Variants in PTGFRN observed in about 807,000 individuals in gnomAD.
The protein encoded by PTGFRN is prostaglandin F2 receptor negative regulator.
In PTGFRN, 35 loss-of-function variants were observed where a neutral mutation model predicts 83.2. The observed-to-expected ratio is 0.42, with a 90% confidence interval of 0.32 to 0.56. The LOEUF (loss-of-function observed/expected upper bound fraction) is 0.56. Ranked by LOEUF, PTGFRN falls within the 20% of genes least tolerant of loss-of-function variation. PTGFRN has a pLI of 0.11. For missense variants in PTGFRN, 1,051 were observed against 1,179.5 expected, an observed-to-expected ratio of 0.89 and a Z score of 1.60; for synonymous variants, 519 against 498.6, an observed-to-expected ratio of 1.04 and a Z score of -0.55.
chr1:116,910,851 GTCTTT>G (rs1426814108), intron 1 of PTGFRN, among the ~76,000 whole-genome samples: 3 of 152,168 alleles, frequency 2.0e-5, no homozygotes, highest in African/African-American at 7.2e-5. Flanking sequence ...TTCTGCCTCA[GTCTTT>G]TCTTTTAGCT....
chr1:116,987,007 G>A lies in PTGFRN; in HGVS notation c.*40G>A. 1 of 1,609,060 alleles carries A rather than the reference G, an allele frequency of 6.2e-7. No individual in the cohort carries two copies. The highest frequency in any genetic ancestry group is 8.5e-7 in the Non-Finnish European group (1 of 1,176,588). ...GGAGTGACAGAGGGACGTTCTAGGA[G>A]CAATTGGGGCAAGAAGAGGACAGTG... On this transcript the variant is annotated 3_prime_UTR_variant, in exon 9 of 9. Coordinates refer to ENST00000393203, the MANE Select transcript of PTGFRN (RefSeq NM_020440.4).
intron 1 of PTGFRN, among the ~76,000 whole-genome samples, chr1:116,927,951 C>T (rs979860828): frequency 3.3e-5 from 5 of 152,108 alleles, no homozygotes; most frequent in Non-Finnish European, 5.9e-5. Flanking sequence ...GGAGAACATG[C>T]GTATGAAGGC....
intron 1 of PTGFRN, among the ~76,000 whole-genome samples, chr1:116,912,168 T>G (rs1012479463): frequency 3.3e-5 from 5 of 152,104 alleles, no homozygotes; most frequent in Non-Finnish European, 7.4e-5. Context: ...AAGCACAGCT[T>G]GGGGAAATCT....
At position 116,967,334 on chromosome 1, in the gene PTGFRN, A is replaced by G. The variant is rs1167332968; in HGVS notation, c.2059+4A>G. On this transcript the variant is annotated splice_donor_region_variant and intron_variant, in intron 6 of 8. Transcript: ENST00000393203. Reference sequence around the variant, plus strand: ...GAGATAGACTTCCAAACCTCAGGTGAGCAGTGAGCCCTGTTGAATCATAGG... The same window carrying G: ...GAGATAGACTTCCAAACCTCAGGTGGGCAGTGAGCCCTGTTGAATCATAGG... 2 of 1,605,436 alleles carry G rather than the reference A, an allele frequency of 1.2e-6. No homozygotes were observed. Among genetic ancestry groups the G allele is most frequent in the African/African-American group, 2.7e-5 (2 of 74,716 alleles).
In PTGFRN at chr1:116,984,771, C is replaced by T; in HGVS notation, c.2259C>T (p.Gly753=). Residue 753 remains glycine, a synonymous_variant, in exon 8 of 9, where the codon GGC becomes GGT. Coordinates refer to ENST00000393203, the MANE Select transcript of PTGFRN (RefSeq NM_020440.4). The part of the protein sequence containing the change: ...PVLLSSLDRK[G]IVTTSRRDWK... ...TCCTGTCTTCCCTGGATCGGAAGGG[C>T]ATCGTGACCACCTCCCGGAGGGACT... 2 of 1,614,178 alleles carry T rather than the reference C, an allele frequency of 1.2e-6. No homozygotes were observed. Among genetic ancestry groups the T allele is most frequent in the Non-Finnish European group, 1.7e-6 (2 of 1,180,032 alleles).
chr1:116,970,847 C>T (rs967010125), intron 6 of PTGFRN, among the ~76,000 whole-genome samples: 5 of 152,192 alleles, frequency 3.3e-5, no homozygotes, highest in African/African-American at 1.2e-4. Context: ...TGTTCACCTT[C>T]CTGTCCCCTG....
intron 7 of PTGFRN, chr1:116,974,604 C>T: frequency 2.7e-6 from 1 of 364,218 alleles, no homozygotes; most frequent in Non-Finnish European, 4.9e-6. Context: ...TGATTTGAAA[C>T]CCACTGGCAG....
intron 1 of PTGFRN, among the ~76,000 whole-genome samples, chr1:116,932,633 T>C (rs1649827413): frequency 6.6e-6 from 1 of 152,178 alleles, no homozygotes; most frequent in African/African-American, 2.4e-5. Flanking sequence ...TATTCTCTCA[T>C]CTGTCTACTT....
chr1:116,927,589 A>G (rs1284714022), intron 1 of PTGFRN, among the ~76,000 whole-genome samples: 1 of 142,058 alleles, frequency 7.0e-6, no homozygotes, highest in Non-Finnish European at 1.5e-5. Context: ...GCTGGAGTGC[A>G]GTGGTGCAAT....
Position 116,967,289 on chromosome 1 carries a change from C to T in PTGFRN, c.2018C>T (p.Thr673Ile). ...GGCAGCCTTTGGCGAGAAGCAGCAACCAGTCTCTCCAATCCTATTGAGATA... is the reference window on the plus strand; with the variant it reads ...GGCAGCCTTTGGCGAGAAGCAGCAATCAGTCTCTCCAATCCTATTGAGATA... ...VRGSLWREAA[T>I]SLSNPIEIDF... The change falls in exon 6 of 9, where the codon ACC becomes ATC. Residue 673 changes from threonine to isoleucine, a missense_variant. By Grantham distance (89) the Thr-to-Ile change is moderately conservative. This residue lies in a region of PTGFRN where 719 missense variants were observed against 836.6 expected (regional missense o/e 0.86). Transcript: ENST00000393203. 3 of 1,614,158 alleles carry T rather than the reference C, an allele frequency of 1.9e-6. No individual in the cohort carries two copies. The highest frequency in any genetic ancestry group is 1.7e-6 in the Non-Finnish European group (2 of 1,179,998).
At chr1:116,944,010 G>A (rs779731782) in intron 2 of PTGFRN, among the ~76,000 whole-genome samples, 6 of 151,962 alleles carry the variant, frequency 3.9e-5, no homozygotes, top group African/African-American at 9.7e-5. Flanking sequence ...TTCCTTGATC[G>A]CCGTCCCCTT....
At chr1:116,927,905 A>G (rs1649694320) in intron 1 of PTGFRN, among the ~76,000 whole-genome samples, 1 of 152,218 alleles carries the variant, frequency 6.6e-6, no homozygotes, top group Non-Finnish European at 1.5e-5. Context: ...TGAAATGCAA[A>G]GTCTTTGTCG....
chr1:116,954,196 G>A (rs1650425051), intron 4 of PTGFRN, among the ~76,000 whole-genome samples: 1 of 152,016 alleles, frequency 6.6e-6, no homozygotes, highest in Non-Finnish European at 1.5e-5. Context: ...CATAGATGTT[G>A]CATTCAAATG....
At chr1:116,980,309 T>C (rs1651276817) in intron 7 of PTGFRN, among the ~76,000 whole-genome samples, 1 of 152,198 alleles carries the variant, frequency 6.6e-6, no homozygotes, top group African/African-American at 2.4e-5. Context: ...AGTGTGGCGA[T>C]TCCTCAAGGA....
At chr1:116,922,173 G>A (rs1030093512) in intron 1 of PTGFRN, among the ~76,000 whole-genome samples, 15 of 152,162 alleles carry the variant, frequency 9.9e-5, no homozygotes, top group Non-Finnish European at 1.2e-4. Flanking sequence ...GGAGAGGTCC[G>A]CTGGAGCTTA....
intron 1 of PTGFRN, among the ~76,000 whole-genome samples, chr1:116,925,930 C>G (rs149226638): frequency 6.6e-6 from 1 of 152,284 alleles, no homozygotes; most frequent in East Asian, 1.9e-4. Context: ...AACCCAGAGT[C>G]TTTTTTAATT....
chr1:116,979,153 C>T (rs1249658571), intron 7 of PTGFRN, among the ~76,000 whole-genome samples: 1 of 152,098 alleles, frequency 6.6e-6, no homozygotes, highest in Non-Finnish European at 1.5e-5. Context: ...CCTAGGAATC[C>T]AACTTACAAG....
chr1:116,965,230 A>G (rs1650789911), intron 5 of PTGFRN, among the ~76,000 whole-genome samples: 1 of 152,146 alleles, frequency 6.6e-6, no homozygotes. Flanking sequence ...CCCAAGATAG[A>G]TAGGACTTGC....
Position 116,961,796 on chromosome 1 carries a change from C to T in PTGFRN, c.1639+128C>T, listed in dbSNP as rs1047441559. The T allele has an allele frequency of 3.2e-5, 30 of 928,190 alleles. No individual in the cohort carries two copies. The highest frequency in any genetic ancestry group is 2.5e-4 in the African/African-American group (15 of 59,838). The allele number at this position is 928,190 out of a possible 1,614,324, so 57.5% of individuals were successfully genotyped here. The stretch of plus-strand genomic sequence containing the variant: ...AGGAATGTGTGTCCTGGACATTGAT[C>T]GCCATGCGACCCGTTGCACATGCTC... On this transcript the variant is annotated intron_variant, in intron 5 of 8. Transcript: ENST00000393203. This position sits in a 1 kb window ranked among gnomAD's most constrained non-coding sequence, Gnocchi z 5.4.
Sources: allele counts gnomAD v4.1 joint callset (sites outside exome capture counted in the v4.1 genomes callset), GRCh38; gene constraint gnomAD v4.1.1; regional missense constraint gnomAD v4.1.1; non-coding constraint Gnocchi (gnomAD v3.1); transcripts MANE v1.5; gene names NCBI Gene and HGNC (gene_info 2026-07-23, HGNC 2026-07-21).